Variants in ADGRL3 observed in about 807,000 individuals in gnomAD.
ADGRL3 encodes calcium-independent alpha-latrotoxin receptor 3.
Under a neutral mutation model 153.5 loss-of-function variants are expected in ADGRL3, and 62 were observed. That is an observed-to-expected ratio of 0.40 (90% CI 0.33 to 0.50). The LOEUF (loss-of-function observed/expected upper bound fraction) is 0.50. Ranked by LOEUF, ADGRL3 falls within the 20% of genes least tolerant of loss-of-function variation. The probability of loss-of-function intolerance (pLI) is 0.47; values close to 1 mark genes in which losing one functional copy is unlikely to be tolerated. For missense variants in ADGRL3, 1,641 were observed against 1,859.4 expected (o/e 0.88, Z 2.16); for synonymous variants, 710 against 672.5 (o/e 1.06, Z -0.86).
chr4:61,477,478 A>T (rs1286526918), intron 2 of ADGRL3, among the ~76,000 whole-genome samples: 1 of 152,208 alleles, frequency 6.6e-6, no homozygotes, highest in Non-Finnish European at 1.5e-5. Flanking sequence ...TCTGCACCAA[A>T]GTGCTTGATA....
At chr4:61,692,451 T>C (rs1466314775) in intron 6 of ADGRL3, among the ~76,000 whole-genome samples, 1 of 151,670 alleles carries the variant, frequency 6.6e-6, no homozygotes, top group Non-Finnish European at 1.5e-5. Context: ...CCTATTTTTT[T>C]TTTTTTTTTG....
At chr4:61,534,400 G>A (rs1363598442) in intron 4 of ADGRL3, among the ~76,000 whole-genome samples, 1 of 151,990 alleles carries the variant, frequency 6.6e-6, no homozygotes, top group Non-Finnish European at 1.5e-5. Flanking sequence ...CTTGTTGTTT[G>A]GAATGCGTTA....
chr4:61,691,136 G>A (rs543679828), intron 6 of ADGRL3, among the ~76,000 whole-genome samples: 1 of 152,240 alleles, frequency 6.6e-6, no homozygotes, highest in African/African-American at 2.4e-5. Flanking sequence ...TTCACTCATC[G>A]ATATGGTCTG....
intron 6 of ADGRL3, among the ~76,000 whole-genome samples, chr4:61,710,488 A>G (rs2095952027): frequency 1.3e-5 from 2 of 152,194 alleles, no homozygotes; most frequent in South Asian, 4.1e-4. Flanking sequence ...TGAATAATGG[A>G]TCCACAGGTC....
chr4:62,060,530 T>A (rs1028187410), intron 25 of ADGRL3, among the ~76,000 whole-genome samples: 9 of 152,064 alleles, frequency 5.9e-5, no homozygotes, highest in African/African-American at 2.2e-4. Context: ...TTTAGAATGA[T>A]TTTAGAAATT....
In ADGRL3 at chr4:61,851,544, C is replaced by G. The variant is rs1010198890; in HGVS notation, c.1480+37655C>G. On this transcript the variant is annotated intron_variant, in intron 9 of 26. Transcript: ENST00000683033. The stretch of plus-strand genomic sequence containing the variant: ...GTCAAAGCTGCAAGTGAGGCATGAT[C>G]ATGCCACTGCACGCCAGCATGAGCA... Among the ~76,000 whole-genome samples, 3 of 136,054 alleles carry G rather than the reference C, an allele frequency of 2.2e-5. No individual in the cohort carries two copies. The Admixed American group carries it at 2.4e-4, about 11-fold the overall frequency. 89.3% of individuals were successfully genotyped at this position (136,054 alleles called of 152,430 possible). A position where few individuals can be genotyped will look rare whatever the true frequency, so the allele number is the denominator to read the frequency against.
intron 1 of ADGRL3, among the ~76,000 whole-genome samples, chr4:61,308,730 T>C (rs72614723): frequency 0.13 from 19,659 of 152,142 alleles, 1,446 homozygotes; most frequent in South Asian, 0.27. Flanking sequence ...AAAATGCATA[T>C]GTAAAATGGG....
At chr4:61,724,029 TGTAA>T (rs141510286) in intron 6 of ADGRL3, among the ~76,000 whole-genome samples, 483 of 152,294 alleles carry the variant, frequency 3.2e-3, no homozygotes, top group African/African-American at 0.011. Flanking sequence ...TATTCACATC[TGTAA>T]GTGTGTTGAG....
intron 8 of ADGRL3, among the ~76,000 whole-genome samples, chr4:61,790,069 A>G (rs2097323632): frequency 1.3e-5 from 2 of 152,280 alleles, no homozygotes; most frequent in South Asian, 2.1e-4. Context: ...TAACTTTTAT[A>G]CTTCACTGTT....
chr4:61,573,735 G>GA (rs2098848608), intron 4 of ADGRL3, among the ~76,000 whole-genome samples: 1 of 151,874 alleles, frequency 6.6e-6, no homozygotes, highest in Non-Finnish European at 1.5e-5. Context: ...AGAATGAAAT[G>GA]AAAAATACTT....
intron 1 of ADGRL3, among the ~76,000 whole-genome samples, chr4:61,209,421 A>G (rs1272706062): frequency 6.6e-6 from 1 of 152,170 alleles, no homozygotes; most frequent in Non-Finnish European, 1.5e-5. Flanking sequence ...CTTCATGCAT[A>G]GTACCTTTTG....
At chr4:61,925,279 C>G (rs917879066) in intron 13 of ADGRL3, among the ~76,000 whole-genome samples, 5 of 152,190 alleles carry the variant, frequency 3.3e-5, no homozygotes, top group African/African-American at 9.7e-5. Flanking sequence ...CTTTCATCTT[C>G]ATTGTCAACT....
Position 61,422,081 on chromosome 4 carries a change from T to G in ADGRL3, c.-174+38892T>G, listed in dbSNP as rs189650473. On this transcript the variant is annotated intron_variant, in intron 2 of 26. Transcript: ENST00000683033. ...TATATAAAGGATATACTTAAAAAATTGTCCAATCAAAGATGTGCCCCAACA... is the reference window on the plus strand; with the variant it reads ...TATATAAAGGATATACTTAAAAAATGGTCCAATCAAAGATGTGCCCCAACA... Among the ~76,000 whole-genome samples, 292 of 152,262 alleles carry G rather than the reference T, an allele frequency of 1.9e-3. 1 individual carries two copies. Among genetic ancestry groups the G allele is most frequent in the South Asian group, 5.0e-3 (24 of 4,828 alleles).
rs75734977 is a variant in ADGRL3 at position 61,635,436 on chromosome 4, G to T, written c.474-41390G>T. Among the ~76,000 whole-genome samples, 1,517 of 152,174 alleles carry T rather than the reference G, an allele frequency of 1.0e-2. 7 individuals carry two copies. Among genetic ancestry groups the T allele is most frequent in the Non-Finnish European group, 0.017 (1,123 of 68,006 alleles). ...TGAGATAAATCCCACAGGTGTTCTG[G>T]GCCTTTCAAAAGTACCAGGAAATGG... On this transcript the variant is annotated intron_variant, in intron 5 of 26. Coordinates refer to ENST00000683033, the MANE Select transcript of ADGRL3 (RefSeq NM_001387552.1).
intron 1 of ADGRL3, among the ~76,000 whole-genome samples, chr4:61,356,409 T>C (rs2096170423): frequency 6.6e-6 from 1 of 151,964 alleles, no homozygotes; most frequent in South Asian, 2.1e-4. Flanking sequence ...TCAGTAAAAG[T>C]GATTCTAGAT....
chr4:61,416,250 A>G (rs1387289786), intron 2 of ADGRL3, among the ~76,000 whole-genome samples: 1 of 152,124 alleles, frequency 6.6e-6, no homozygotes, highest in East Asian at 1.9e-4. Context: ...GGGGAAAAAA[A>G]TGATGGAAAT....
At chr4:61,947,996 A>G (rs2098932557) in intron 16 of ADGRL3, 104 bp from the exon 17 acceptor site, 3 of 899,350 alleles carry the variant, frequency 3.3e-6, no homozygotes, top group Non-Finnish European at 5.0e-6. Context: ...TCTCTAAAAA[A>G]TTGGAACAGA....
At chr4:61,633,192 T>G (rs1021220194) in intron 5 of ADGRL3, among the ~76,000 whole-genome samples, 1 of 147,998 alleles carries the variant, frequency 6.8e-6, no homozygotes, top group African/African-American at 2.5e-5. Flanking sequence ...CTCTTATTAT[T>G]GAAGGTGTAA....
intron 2 of ADGRL3, among the ~76,000 whole-genome samples, chr4:61,396,948 A>ATAT (rs72231913): frequency 1.6e-4 from 24 of 148,558 alleles, no homozygotes; most frequent in African/African-American, 4.7e-4. Context: ...AGTAAGGAAT[A>ATAT]TATTATTATT....
Sources: gnomAD v4.1 joint callset for allele counts (sites outside exome capture counted in the v4.1 genomes callset) on GRCh38, gnomAD v4.1.1 for gene constraint, MANE v1.5 for transcripts, NCBI Gene and HGNC (gene_info 2026-07-23, HGNC 2026-07-21) for gene names.